EPB41L4A: variants seen among roughly 807,000 people sequenced by gnomAD.
EPB41L4A encodes erythrocyte membrane protein band 4.1 like 4A, also known as band 4.1-like protein 4A.
EPB41L4A carries 100 observed loss-of-function variants against 108.6 expected under a neutral mutation model. The ratio of observed to expected loss-of-function variants is 0.92; its 90% CI spans 0.78 to 1.09. The LOEUF (loss-of-function observed/expected upper bound fraction) is 1.09, where lower values mean the gene tolerates loss of function less well. Among genes scored for constraint, EPB41L4A ranks in the 50% least tolerant of loss-of-function variants. EPB41L4A has a pLI of 0.00. For missense variants in EPB41L4A, 1,030 were observed against 842.7 expected, an observed-to-expected ratio of 1.22 and a Z score of -2.75; for synonymous variants, 319 against 289.0, an observed-to-expected ratio of 1.10 and a Z score of -1.05.
Position 112,314,505 on chromosome 5 carries a change from T to TAAAAAAAAAAAAAAA in EPB41L4A, c.100-7030_100-7016dup, listed in dbSNP as rs552428109. Among the ~76,000 whole-genome samples, 50 of 55,190 alleles carry TAAAAAAAAAAAAAAA rather than the reference T, an allele frequency of 9.1e-4. 1 individual carries two copies. Among genetic ancestry groups the TAAAAAAAAAAAAAAA allele is most frequent in the African/African-American group, 1.3e-3 (16 of 12,554 alleles). 36.2% of individuals were successfully genotyped at this position (55,190 alleles called of 152,430 possible). The stretch of plus-strand genomic sequence containing the variant: ...CAACAATGTGAAACCCCATCGCTAC[T>TAAAAAAAAAAAAAAA]AAAAAAAAAAAAAAAAAAAAAAAAA... On this transcript the variant is annotated intron_variant, in intron 1 of 22. Transcript: ENST00000261486.
At chr5:112,298,215 G>A (rs1038980751) in intron 2 of EPB41L4A, among the ~76,000 whole-genome samples, 7 of 152,060 alleles carry the variant, frequency 4.6e-5, no homozygotes, top group African/African-American at 1.7e-4. Flanking sequence ...GATTGCTTCT[G>A]GCAGTATGGT....
Position 112,302,582 on chromosome 5 carries a change from C to A in EPB41L4A, c.204+4804G>T, listed in dbSNP as rs115226947. Reference sequence around the variant, plus strand: ...CCTATGAAGCTGGTACTATTACTATCTTCACTTTATAAACAGAGGAACTGA... The same window carrying A: ...CCTATGAAGCTGGTACTATTACTATATTCACTTTATAAACAGAGGAACTGA... On this transcript the variant is annotated intron_variant, in intron 2 of 22. Transcript: ENST00000261486. Among the ~76,000 whole-genome samples the A allele has an allele frequency of 3.4e-3, 521 of 152,240 alleles. 4 individuals are homozygous for A. The highest frequency in any genetic ancestry group is 0.012 in the African/African-American group (500 of 41,544).
intron 1 of EPB41L4A, among the ~76,000 whole-genome samples, chr5:112,396,829 T>A (rs1237538185): frequency 2.0e-5 from 3 of 152,208 alleles, no homozygotes; most frequent in African/African-American, 7.2e-5. Context: ...GGCAGGTGAA[T>A]TAGCTTTTAC....
intron 2 of EPB41L4A, among the ~76,000 whole-genome samples, chr5:112,306,246 A>G (rs1207197286): frequency 1.3e-5 from 2 of 152,154 alleles, no homozygotes; most frequent in Admixed American, 1.3e-4. Flanking sequence ...GATTTACAGT[A>G]CTGCTATATT....
intron 1 of EPB41L4A, among the ~76,000 whole-genome samples, chr5:112,368,881 TC>T (rs1759308087): frequency 6.6e-6 from 1 of 152,166 alleles, no homozygotes; most frequent in African/African-American, 2.4e-5. Context: ...TCTTTGTCTT[TC>T]ACTCTGCCTT....
At chr5:112,416,123 T>C (rs914207991) in intron 1 of EPB41L4A, among the ~76,000 whole-genome samples, 1 of 151,814 alleles carries the variant, frequency 6.6e-6, no homozygotes, top group East Asian at 1.9e-4. Flanking sequence ...GACACATTAA[T>C]TTTTTTTCTA....
chr5:112,239,487 C>T (rs1165337624), intron 11 of EPB41L4A, 173 bp downstream of exon 11: 7 of 426,702 alleles, frequency 1.6e-5, no homozygotes, highest in Non-Finnish European at 2.5e-5. Flanking sequence ...ATAATTAAAT[C>T]TGGAAAATCA....
At chr5:112,392,190 C>G (rs992472294) in intron 1 of EPB41L4A, among the ~76,000 whole-genome samples, 2 of 152,084 alleles carry the variant, frequency 1.3e-5, no homozygotes, top group Admixed American at 6.5e-5. Flanking sequence ...AACCAGCTAA[C>G]ATCATAATGA....
chr5:112,202,164 T>C (rs2150290357), intron 15 of EPB41L4A, among the ~76,000 whole-genome samples: 1 of 152,220 alleles, frequency 6.6e-6, no homozygotes, highest in South Asian at 2.1e-4. Context: ...TCCTGAGAAG[T>C]GGGGGTTCTT....
At chr5:112,188,224 T>C (rs913652576) in intron 17 of EPB41L4A, among the ~76,000 whole-genome samples, 1 of 152,256 alleles carries the variant, frequency 6.6e-6, no homozygotes, top group Admixed American at 6.5e-5. Context: ...AATCTTTTTT[T>C]TTTCTAGTTT....
chr5:112,404,842 T>C (rs1580845540), intron 1 of EPB41L4A, among the ~76,000 whole-genome samples: 1 of 152,168 alleles, frequency 6.6e-6, no homozygotes, highest in Non-Finnish European at 1.5e-5. Context: ...CCCGTCTTCC[T>C]CCACAAAACT....
At chr5:112,272,644 G>A (rs1752343614) in intron 4 of EPB41L4A, among the ~76,000 whole-genome samples, 1 of 151,752 alleles carries the variant, frequency 6.6e-6, no homozygotes, top group African/African-American at 2.4e-5. Context: ...AGCTGGGCAT[G>A]GTGGTGGGCG....
intron 22 of EPB41L4A, among the ~76,000 whole-genome samples, chr5:112,166,439 T>A (rs1279272832): frequency 6.6e-6 from 1 of 152,144 alleles, no homozygotes; most frequent in Non-Finnish European, 1.5e-5. Context: ...TGTTGGTCTT[T>A]CAGCTCCTCA....
Position 112,392,792 on chromosome 5 carries a change from TCTC to T in EPB41L4A, c.99+26146_99+26148del, listed in dbSNP as rs1487396582. 74 of 152,328 alleles carry T rather than the reference TCTC, an allele frequency of 4.9e-4. 1 individual carries two copies. The highest frequency in any genetic ancestry group is 4.8e-3 in the Admixed American group (74 of 15,300). 9.4% of individuals were successfully genotyped at this position (152,328 alleles called of 1,614,324 possible). On this transcript the variant is annotated intron_variant, in intron 1 of 22. Coordinates refer to ENST00000261486, the MANE Select transcript of EPB41L4A (RefSeq NM_022140.5). ...CCCAAATCAACAGAATATAGTTTCT[TCTC>T]AGCACCACATCACACTTATTCCAAA...
intron 1 of EPB41L4A, among the ~76,000 whole-genome samples, chr5:112,346,026 A>G (rs577773773): frequency 1.4e-4 from 22 of 152,074 alleles, no homozygotes; most frequent in African/African-American, 5.3e-4. Flanking sequence ...GCATTAATGT[A>G]ATAGTCTTAG....
chr5:112,288,723 CA>C (rs1156571254), intron 2 of EPB41L4A, among the ~76,000 whole-genome samples: 3 of 152,080 alleles, frequency 2.0e-5, no homozygotes, highest in Non-Finnish European at 2.9e-5. Context: ...AGGCAGGAAA[CA>C]TATCTTATCA....
intron 1 of EPB41L4A, among the ~76,000 whole-genome samples, chr5:112,347,558 G>A (rs1436799951): frequency 6.6e-6 from 1 of 152,118 alleles, no homozygotes; most frequent in Non-Finnish European, 1.5e-5. Flanking sequence ...AGAACACACG[G>A]TTGCTGAGTT....
intron 1 of EPB41L4A, among the ~76,000 whole-genome samples, chr5:112,390,709 A>G (rs1377046544): frequency 6.6e-6 from 1 of 152,172 alleles, no homozygotes. Flanking sequence ...CTCCCAGCAC[A>G]GTGTTTGAGC....
chr5:112,357,480 C>A (rs1490876888), intron 1 of EPB41L4A, among the ~76,000 whole-genome samples: 1 of 152,200 alleles, frequency 6.6e-6, no homozygotes. Context: ...ACAACCACAC[C>A]TGTGGCTTCA....
Sources: gnomAD v4.1 joint callset for allele counts (sites outside exome capture counted in the v4.1 genomes callset) on GRCh38, gnomAD v4.1.1 for gene constraint, MANE v1.5 for transcripts, NCBI Gene and HGNC (gene_info 2026-07-23, HGNC 2026-07-21) for gene names.